The following F13A1 variants were observed in gnomAD, a reference collection of about 807,000 sequenced individuals.
F13A1 encodes FSF, A subunit.
A neutral mutation model predicts 80.1 loss-of-function variants in F13A1; 47 were observed. The observed-to-expected ratio is 0.59, with a 90% CI of 0.46 to 0.75. The LOEUF (loss-of-function observed/expected upper bound fraction) is 0.75. F13A1 is among the 30% of genes least tolerant of loss of function. The pLI is 0.00. For missense variants in F13A1, 817 were observed against 930.4 expected (o/e 0.88, Z 1.59); for synonymous variants, 349 against 344.9 (o/e 1.01, Z -0.13).
chr6:6,199,567 T>A (rs996009218), intron 8 of F13A1, among the ~76,000 whole-genome samples: 1 of 151,562 alleles, frequency 6.6e-6, no homozygotes, highest in Admixed American at 6.6e-5. Flanking sequence ...CCCAGGAAGG[T>A]TAAGAACCTT....
At chr6:6,253,290 G>T (rs930902913) in intron 4 of F13A1, among the ~76,000 whole-genome samples, 3 of 152,138 alleles carry the variant, frequency 2.0e-5, no homozygotes, top group African/African-American at 7.2e-5. Flanking sequence ...TATGCCCTTT[G>T]CCATGTAACT....
chr6:6,193,997 A>G (rs1230890508), intron 10 of F13A1, among the ~76,000 whole-genome samples: 4 of 152,132 alleles, frequency 2.6e-5, no homozygotes, highest in African/African-American at 9.7e-5. Context: ...CAAATTCCTG[A>G]TCTTGCTGTC....
chr6:6,248,574 T>A (rs1757587558), intron 5 of F13A1, among the ~76,000 whole-genome samples, 155 bp from the exon 6 acceptor site: 1 of 152,228 alleles, frequency 6.6e-6, no homozygotes, highest in African/African-American at 2.4e-5. Context: ...AATATTAAAG[T>A]AGAAGGAATG....
chr6:6,293,971 A>G (rs1178415281), intron 3 of F13A1, among the ~76,000 whole-genome samples: 1 of 152,190 alleles, frequency 6.6e-6, no homozygotes, highest in Non-Finnish European at 1.5e-5. Flanking sequence ...ACCTCAACAA[A>G]AAAACTGAAT....
chr6:6,277,005 C>T lies in F13A1; in HGVS notation c.320-10196G>A, dbSNP rs115557741. Among the ~76,000 whole-genome samples, 1,146 of 152,126 alleles carry T rather than the reference C, an allele frequency of 7.5e-3. 18 individuals carry two copies. Among genetic ancestry groups the T allele is most frequent in the African/African-American group, 0.025 (1,055 of 41,542 alleles). ...CCCAGAGAAACCTTAAAAACTGAGC[C>T]GCAGCCATGATGGGATGGGAGGTGG... On this transcript the variant is annotated intron_variant, in intron 3 of 14. Coordinates refer to ENST00000264870, the MANE Select transcript of F13A1 (RefSeq NM_000129.4).
chr6:6,159,740 T>G (rs879900366), intron 13 of F13A1, among the ~76,000 whole-genome samples: 8 of 152,040 alleles, frequency 5.3e-5, no homozygotes, highest in Non-Finnish European at 1.0e-4. Flanking sequence ...TCTATACAAT[T>G]CCCCACCAAT....
chr6:6,148,041 C>T (rs1325616958), intron 14 of F13A1, among the ~76,000 whole-genome samples: 1 of 152,134 alleles, frequency 6.6e-6, no homozygotes, highest in Admixed American at 6.5e-5. Flanking sequence ...TGCTTCTAGA[C>T]CTTAGCTTCT....
At chr6:6,304,447 A>C (rs1321263775) in intron 3 of F13A1, among the ~76,000 whole-genome samples, 1 of 152,216 alleles carries the variant, frequency 6.6e-6, no homozygotes, top group Non-Finnish European at 1.5e-5. Context: ...AATGTGTCAA[A>C]AGTTAATAGC....
At chr6:6,174,225 A>T (rs2151074849) in intron 12 of F13A1, among the ~76,000 whole-genome samples, 1 of 152,172 alleles carries the variant, frequency 6.6e-6, no homozygotes, top group South Asian at 2.1e-4. Context: ...TCCCGTCTCT[A>T]CTAAAAATAC....
chr6:6,279,390 CAA>C (rs1456866877), intron 3 of F13A1, among the ~76,000 whole-genome samples: 1 of 152,140 alleles, frequency 6.6e-6, no homozygotes, highest in Non-Finnish European at 1.5e-5. Context: ...AGTTATAAAC[CAA>C]ACTGCATACC....
At chr6:6,238,106 G>A (rs1467647352) in intron 6 of F13A1, among the ~76,000 whole-genome samples, 1 of 152,080 alleles carries the variant, frequency 6.6e-6, no homozygotes, top group African/African-American at 2.4e-5. Context: ...TTGTCATAAG[G>A]ACATACATAT....
intron 13 of F13A1, 124 bp from the exon 14 acceptor site, chr6:6,152,073 T>A: frequency 1.8e-6 from 2 of 1,130,256 alleles, no homozygotes; most frequent in Non-Finnish European, 2.6e-6. Context: ...ATGGAACCAG[T>A]GTGATGAGGA....
At chr6:6,182,256 TCAA>T (rs1297192697) in intron 10 of F13A1, 115 bp from the exon 11 acceptor site, 2 of 1,118,778 alleles carry the variant, frequency 1.8e-6, no homozygotes, top group Non-Finnish European at 2.7e-6. Flanking sequence ...GCCCCTTTCT[TCAA>T]CAACATTGGA....
rs1453759218 is a variant in F13A1, at chr6:6,239,840, G to A, written c.798+8472C>T. On this transcript the variant is annotated intron_variant, in intron 6 of 14. Transcript: ENST00000264870. Reference sequence around the variant, plus strand: ...AAATATCTGAATTAAAGGAATGGACGTATGAGAGAGGGAAAAATGCAGAGC... The same window carrying A: ...AAATATCTGAATTAAAGGAATGGACATATGAGAGAGGGAAAAATGCAGAGC... Among the ~76,000 whole-genome samples, 4 of 152,236 alleles carry A rather than the reference G, an allele frequency of 2.6e-5. No homozygotes were observed. In the South Asian group the frequency reaches 6.2e-4, roughly 24 times the overall value.
chr6:6,190,852 A>C (rs1310211929), intron 10 of F13A1, among the ~76,000 whole-genome samples: 1 of 151,464 alleles, frequency 6.6e-6, no homozygotes, highest in Non-Finnish European at 1.5e-5. Context: ...TTGATCTCAG[A>C]CTGCTGTGCT....
chr6:6,293,566 C>CGCAGTT (rs1758263065), intron 3 of F13A1, among the ~76,000 whole-genome samples: 1 of 151,856 alleles, frequency 6.6e-6, no homozygotes, highest in Non-Finnish European at 1.5e-5. Flanking sequence ...AACTCATGAA[C>CGCAGTT]GCAGTTATCA....
chr6:6,274,577 C>T (rs571917787), intron 3 of F13A1, among the ~76,000 whole-genome samples: 19 of 152,278 alleles, frequency 1.2e-4, no homozygotes, highest in Admixed American at 9.2e-4. Context: ...AGAGAAAATA[C>T]GAACAGCATT....
At chr6:6,187,606 C>T (rs2151079088) in intron 10 of F13A1, among the ~76,000 whole-genome samples, 1 of 117,670 alleles carries the variant, frequency 8.5e-6, no homozygotes, top group South Asian at 3.1e-4. Flanking sequence ...TTTTGATGTG[C>T]TGCTGGATTT....
intron 3 of F13A1, among the ~76,000 whole-genome samples, chr6:6,300,478 G>A (rs1421213025): frequency 1.3e-5 from 2 of 152,130 alleles, no homozygotes; most frequent in South Asian, 2.1e-4. Flanking sequence ...GAAAAGTGCA[G>A]TATTGGGGTG....
Sources: allele counts gnomAD v4.1 joint callset (sites outside exome capture counted in the v4.1 genomes callset), GRCh38; gene constraint gnomAD v4.1.1; transcripts MANE v1.5; gene names NCBI Gene and HGNC (gene_info 2026-07-23, HGNC 2026-07-21).